The following GLI3 variants were observed in gnomAD, a reference collection of about 807,000 sequenced individuals.
GLI3 encodes the protein transcription activator GLI3.
In GLI3, 20 loss-of-function variants were observed where a neutral mutation model predicts 100.8. The observed-to-expected ratio is 0.20, with a 90% CI of 0.14 to 0.29. The LOEUF (loss-of-function observed/expected upper bound fraction) is 0.29. Ranked by LOEUF, GLI3 falls within the 10% of genes least tolerant of loss-of-function variation. The probability of loss-of-function intolerance (pLI) is 1.00; values close to 1 mark genes in which losing one functional copy is unlikely to be tolerated. For synonymous variants in GLI3, 938 were observed against 860.5 expected, an observed-to-expected ratio of 1.09 and a Z score of -1.58; for missense variants, 2,040 against 2,128.5, an observed-to-expected ratio of 0.96 and a Z score of 0.82.
At chr7:42,240,150 G>A (rs983086868), upstream of GLI3, among the ~76,000 whole-genome samples, 1 of 152,098 alleles carries the variant, frequency 6.6e-6, no homozygotes, top group Non-Finnish European at 1.5e-5. Context: ...AGACTTACAG[G>A]ATTCTGTGCA....
intron 1 of GLI3, among the ~76,000 whole-genome samples, chr7:42,263,243 G>C (rs1490744552): frequency 6.6e-6 from 1 of 152,160 alleles, no homozygotes; most frequent in Admixed American, 6.5e-5. Flanking sequence ...AGCTCAAAGG[G>C]AGTTACTGGC....
At chr7:42,075,452 G>A (rs1784861224) in intron 4 of GLI3, among the ~76,000 whole-genome samples, 1 of 152,106 alleles carries the variant, frequency 6.6e-6, no homozygotes, top group Non-Finnish European at 1.5e-5. Flanking sequence ...TGTATAATGG[G>A]GTGAATTACA....
At chr7:42,140,497 T>C (rs938551602) in intron 3 of GLI3, among the ~76,000 whole-genome samples, 2 of 152,174 alleles carry the variant, frequency 1.3e-5, no homozygotes, top group Non-Finnish European at 2.9e-5. Context: ...GACATTAGAA[T>C]GATGAGAACA....
chr7:41,992,369 T>C (rs1788010657), intron 10 of GLI3, among the ~76,000 whole-genome samples: 1 of 152,164 alleles, frequency 6.6e-6, no homozygotes, highest in South Asian at 2.1e-4. Context: ...ACGATTACCC[T>C]TCTGTGTGGA....
intron 2 of GLI3, among the ~76,000 whole-genome samples, chr7:42,182,683 C>CGTGTGTGTGTATATATATATATAT (rs1562775920): frequency 4.6e-4 from 25 of 54,868 alleles, no homozygotes; most frequent in Non-Finnish European, 7.7e-4. Flanking sequence ...TATATATATA[C>CGTGTGTGTGTATATATATATATAT]ACATGTGTGT....
chr7:42,148,473 A>T lies in GLI3; in HGVS notation c.125-5T>A. 6.2e-7 allele frequency: 1 copy of T among 1,613,052 alleles called. No homozygotes were observed. Among genetic ancestry groups the T allele is most frequent in the Non-Finnish European group, 8.5e-7 (1 of 1,179,050 alleles). On this transcript the variant is annotated splice_polypyrimidine_tract_variant and splice_region_variant and intron_variant, in intron 2 of 14. Transcript: ENST00000395925. Reference sequence around the variant, plus strand: ...TCTGTCCAGGACTTTCATCCTCTAAAGAAAGAAGAAAAATGAAAGACTCTG... The same window carrying T: ...TCTGTCCAGGACTTTCATCCTCTAATGAAAGAAGAAAAATGAAAGACTCTG...
At chr7:42,143,480 A>G (rs1244728831) in intron 3 of GLI3, among the ~76,000 whole-genome samples, 1 of 152,216 alleles carries the variant, frequency 6.6e-6, no homozygotes, top group Non-Finnish European at 1.5e-5. Context: ...TTAAATATGT[A>G]AAATATACAT....
intron 1 of GLI3, among the ~76,000 whole-genome samples, chr7:42,248,744 T>C (rs1789000575): frequency 6.6e-6 from 1 of 152,152 alleles, no homozygotes; most frequent in Non-Finnish European, 1.5e-5. Flanking sequence ...TTTGAGATCA[T>C]TTAATAATTC....
chr7:42,120,720 C>T (rs1785976530), intron 3 of GLI3, among the ~76,000 whole-genome samples: 1 of 152,150 alleles, frequency 6.6e-6, no homozygotes, highest in Non-Finnish European at 1.5e-5. Context: ...TGGCTACTGC[C>T]TCTTACTTAA....
intron 10 of GLI3, among the ~76,000 whole-genome samples, chr7:41,997,352 T>C (rs1002379646): frequency 2.6e-5 from 4 of 152,184 alleles, no homozygotes; most frequent in African/African-American, 9.7e-5. Context: ...GGCTGGACTT[T>C]ACCAACTTTG....
chr7:42,084,952 C>T (rs1785072942), intron 3 of GLI3, among the ~76,000 whole-genome samples: 1 of 133,904 alleles, frequency 7.5e-6, no homozygotes, highest in African/African-American at 2.9e-5. Context: ...CACTCTATTG[C>T]CCAGGCTGGA....
Position 41,965,105 on chromosome 7 carries a change from A to C in GLI3, c.3968T>G (p.Leu1323Arg), listed in dbSNP as rs1223331944. 14 of 1,613,704 alleles carry C rather than the reference A, an allele frequency of 8.7e-6. No individual in the cohort carries two copies. Among genetic ancestry groups the C allele is most frequent in the Non-Finnish European group, 1.1e-5 (13 of 1,180,032 alleles). Reference sequence around the variant, plus strand: ...GCTGTCGCCGAGGAGCTGGTGAGCCAGGTACCCCTGTCCCACTGGGTCCTG... The same window carrying C: ...GCTGTCGCCGAGGAGCTGGTGAGCCCGGTACCCCTGTCCCACTGGGTCCTG... Reference protein sequence around the residue: ...QNQDPVGQGYLAHQLLGDSMQ... With the variant: ...QNQDPVGQGYRAHQLLGDSMQ... The change falls in exon 15 of 15, where the codon CTG becomes CGG. Residue 1323 changes from leucine to arginine, a missense_variant. Physicochemically the swap from Leu to Arg is moderately radical, Grantham distance 102. Transcript: ENST00000395925.
chr7:42,062,777 C>CT, intron 4 of GLI3, among the ~76,000 whole-genome samples: 1 of 151,980 alleles, frequency 6.6e-6, no homozygotes, highest in Admixed American at 6.6e-5. Context: ...ATTGAAGAGG[C>CT]TTTGTGTCAA....
rs747166719 is a variant in GLI3, at chr7:42,084,901, C to CTT, written c.368-8046_368-8045dup. ...AGCTCTAAAAATATGCATTTGGATT[C>CTT]TTTTTTTTTTTTTTTTTTTTTTTTT... On this transcript the variant is annotated intron_variant, in intron 3 of 14. Transcript: ENST00000395925. Among the ~76,000 whole-genome samples the CTT allele has an allele frequency of 1.4e-3, 68 of 47,514 alleles. 10 individuals are homozygous for CTT. The highest frequency in any genetic ancestry group is 4.5e-3 in the African/African-American group (43 of 9,596). 31.2% of individuals were successfully genotyped at this position (47,514 alleles called of 152,430 possible). A position where few individuals can be genotyped will look rare whatever the true frequency, so the allele number is the denominator to read the frequency against.
chr7:42,022,465 A>G (rs555915434), intron 10 of GLI3, among the ~76,000 whole-genome samples: 1 of 152,336 alleles, frequency 6.6e-6, no homozygotes, highest in East Asian at 1.9e-4. Context: ...AAAAGAATGT[A>G]CCACGAAAGA....
At chr7:42,251,994 G>T (rs558872522) in intron 1 of GLI3, among the ~76,000 whole-genome samples, 1 of 152,032 alleles carries the variant, frequency 6.6e-6, no homozygotes, top group Non-Finnish European at 1.5e-5. Context: ...TTTGCAATCC[G>T]ATTACTGGGT....
intron 4 of GLI3, among the ~76,000 whole-genome samples, chr7:42,055,542 G>A (rs978016422): frequency 6.6e-5 from 10 of 152,098 alleles, no homozygotes; most frequent in African/African-American, 2.2e-4. Flanking sequence ...TGGTGGGCGA[G>A]CCCTCCTCTG....
rs958510707 is a variant in GLI3 at position 41,961,262 on chromosome 7, G to A, written c.*3068C>T. Reference sequence around the variant, plus strand: ...AATGAACTTGTATTTTATTTTACATGTCTGCAGGATACACAAGGGTAACTT... The same window carrying A: ...AATGAACTTGTATTTTATTTTACATATCTGCAGGATACACAAGGGTAACTT... On this transcript the variant is annotated 3_prime_UTR_variant, in exon 15 of 15. Coordinates refer to ENST00000395925, the MANE Select transcript of GLI3 (RefSeq NM_000168.6). 1 of 152,476 alleles carries A rather than the reference G, an allele frequency of 6.6e-6. No homozygotes were observed. The highest frequency in any genetic ancestry group is 1.5e-5 in the Non-Finnish European group (1 of 68,034). 9.4% of individuals were successfully genotyped at this position (152,476 alleles called of 1,614,324 possible). A position where few individuals can be genotyped will look rare whatever the true frequency, so the allele number is the denominator to read the frequency against.
intron 2 of GLI3, among the ~76,000 whole-genome samples, chr7:42,194,836 G>A (rs1417408163): frequency 2.8e-5 from 4 of 140,774 alleles, no homozygotes; most frequent in East Asian, 4.1e-4. Flanking sequence ...GCATGATCTC[G>A]GCTCACTGCA....
Sources: gnomAD v4.1 joint callset for allele counts (sites outside exome capture counted in the v4.1 genomes callset) on GRCh38, gnomAD v4.1.1 for gene constraint, MANE v1.5 for transcripts, NCBI Gene and HGNC (gene_info 2026-07-23, HGNC 2026-07-21) for gene names.